Variants in HDX observed in about 807,000 individuals in gnomAD.
HDX encodes highly divergent homeobox.
Under a neutral mutation model 45.2 loss-of-function variants are expected in HDX, and 19 were observed. The ratio of observed to expected loss-of-function variants is 0.42; its 90% CI spans 0.29 to 0.62. The LOEUF (loss-of-function observed/expected upper bound fraction) is 0.62. Among genes scored for constraint, HDX ranks in the 20% least tolerant of loss-of-function variants. The pLI is 0.20. For missense variants in HDX, 532 were observed against 493.9 expected (o/e 1.08, Z -0.73); for synonymous variants, 188 against 172.8 (o/e 1.09, Z -0.69).
At chrX:84,485,207 T>A (rs1381475653) in intron 2 of HDX, among the ~76,000 whole-genome samples, 1 of 111,714 alleles carries the variant, frequency 9.0e-6, no homozygotes, top group Non-Finnish European at 1.9e-5. Context: ...TTGAAAGGAA[T>A]GTATAGTCTG....
chrX:84,343,541 G>T (rs1025405275), intron 7 of HDX, among the ~76,000 whole-genome samples: 2 of 111,099 alleles, frequency 1.8e-5, no homozygotes, highest in Admixed American at 9.6e-5. Flanking sequence ...TTTCACAACA[G>T]TCTCCCAAAG....
intron 5 of HDX, among the ~76,000 whole-genome samples, chrX:84,423,591 A>T (rs996517572): frequency 9.0e-6 from 1 of 111,008 alleles, no homozygotes; most frequent in Non-Finnish European, 1.9e-5. Context: ...TAAATTCAAT[A>T]ATACAGTAGA....
Position 84,322,013 on chromosome X carries a change from G to T in HDX, c.1949C>A (p.Ala650Glu). 8.7e-7 allele frequency: 1 copy of T among 1,145,496 alleles called. No individual in the cohort carries two copies. 94.4% of individuals were successfully genotyped at this position (1,145,496 alleles called of 1,213,427 possible). ...MKADDKEQQQ[A>E]LLSDLPPELE... ...TTCAGGAGGTAAATCTGACAGCAGT[G>T]CCTGAATAAAAAAAATAATATTTTT... is the stretch of plus-strand genomic sequence containing the variant. The change falls in exon 11 of 11, where the codon GCA becomes GAA. Residue 650 changes from alanine to glutamate, a missense_variant and splice_region_variant. By Grantham distance (107) the Ala-to-Glu change is moderately radical (BLOSUM62 -1). Around this residue, in one of 3 missense-constraint regions of HDX, gnomAD observed 151 missense variants for 131.8 expected, o/e 1.15. Transcript: ENST00000373177.
chrX:84,469,782 T>A (rs2040422633), intron 3 of HDX, among the ~76,000 whole-genome samples: 2 of 111,625 alleles, frequency 1.8e-5, no homozygotes, highest in South Asian at 7.4e-4. Context: ...ACCTTCAAAC[T>A]TTGAAAACAG....
chrX:84,460,216 A>G (rs955711488), intron 4 of HDX, among the ~76,000 whole-genome samples: 3 of 111,859 alleles, frequency 2.7e-5, no homozygotes, highest in Non-Finnish European at 5.6e-5. Flanking sequence ...CCAAAACCAG[A>G]CAAAGATGTC....
At chrX:84,461,220 C>T (rs1196525768) in intron 4 of HDX, among the ~76,000 whole-genome samples, 1 of 111,462 alleles carries the variant, frequency 9.0e-6, no homozygotes, top group Admixed American at 9.5e-5. Flanking sequence ...CCAAAGCTAT[C>T]CAGAGCAAAA....
At chrX:84,348,436 C>T (rs923795920) in intron 6 of HDX, among the ~76,000 whole-genome samples, 3 of 111,942 alleles carry the variant, frequency 2.7e-5, no homozygotes, top group East Asian at 2.8e-4. Context: ...CCTCGTCTGA[C>T]GATTCTAACA....
At chrX:84,447,402 G>A (rs770206784) in intron 4 of HDX, among the ~76,000 whole-genome samples, 2 of 111,672 alleles carry the variant, frequency 1.8e-5, no homozygotes, top group African/African-American at 3.3e-5. Context: ...TAAGAGCCTA[G>A]AGAGGTTCCC....
At chrX:84,350,068 C>T (rs1487456796) in intron 6 of HDX, among the ~76,000 whole-genome samples, 1 of 110,644 alleles carries the variant, frequency 9.0e-6, no homozygotes. Context: ...CCTATAAAAA[C>T]TGAAAAAAGA....
chrX:84,405,646 CTA>C (rs368481208), intron 5 of HDX, among the ~76,000 whole-genome samples: 859 of 78,404 alleles, frequency 0.011, 6 homozygotes, highest in Non-Finnish European at 0.015. Flanking sequence ...GCCTCACAAG[CTA>C]TATATATATA....
chrX:84,356,036 A>G (rs2147833699), intron 6 of HDX, among the ~76,000 whole-genome samples: 1 of 110,962 alleles, frequency 9.0e-6, no homozygotes, highest in African/African-American at 3.3e-5. Context: ...ACAAGGTCAA[A>G]GAAAAAGTAT....
chrX:84,465,318 T>C (rs1041329218), intron 4 of HDX, among the ~76,000 whole-genome samples: 1 of 112,119 alleles, frequency 8.9e-6, no homozygotes, highest in African/African-American at 3.2e-5. Context: ...ATCCCATTAC[T>C]GGTATATACC....
At chrX:84,465,401 C>T (rs1273509198) in intron 4 of HDX, among the ~76,000 whole-genome samples, 1 of 112,184 alleles carries the variant, frequency 8.9e-6, no homozygotes, top group Non-Finnish European at 1.9e-5. Flanking sequence ...TTGACAATAA[C>T]AAAGGCTTGG....
chrX:84,455,073 T>C (rs917671662), intron 4 of HDX, among the ~76,000 whole-genome samples: 1 of 111,149 alleles, frequency 9.0e-6, no homozygotes, highest in Non-Finnish European at 1.9e-5. Flanking sequence ...CCAAGTTCCT[T>C]TGAATACTTG....
At chrX:84,345,461 C>A (rs112501703) in intron 6 of HDX, among the ~76,000 whole-genome samples, 2 of 111,155 alleles carry the variant, frequency 1.8e-5, no homozygotes, top group Non-Finnish European at 3.8e-5. Context: ...TTGTGTGTAT[C>A]GAGCCCATTC....
At chrX:84,478,710 T>A (rs1380048803) in intron 2 of HDX, among the ~76,000 whole-genome samples, 1 of 102,258 alleles carries the variant, frequency 9.8e-6, no homozygotes, top group Non-Finnish European at 1.9e-5. Context: ...TTAATTTTAA[T>A]TAGTGGGGCA....
intron 4 of HDX, among the ~76,000 whole-genome samples, chrX:84,441,390 C>T (rs1230625839): frequency 2.7e-5 from 3 of 111,656 alleles, no homozygotes; most frequent in Admixed American, 9.5e-5. Context: ...TTTCTTAATA[C>T]AAATCTTAGA....
chrX:84,382,650 T>C (rs190849836), intron 5 of HDX, among the ~76,000 whole-genome samples: 93 of 110,647 alleles, frequency 8.4e-4, no homozygotes, highest in African/African-American at 2.8e-3. Context: ...ACCAAAACAA[T>C]TGAACTCATG....
chrX:84,324,906 T>C (rs1274328122), intron 10 of HDX, among the ~76,000 whole-genome samples: 1 of 111,111 alleles, frequency 9.0e-6, no homozygotes, highest in Non-Finnish European at 1.9e-5. Context: ...TGTTCAAAAC[T>C]ACCTCCCCTA....
Sources: allele counts gnomAD v4.1 joint callset (sites outside exome capture counted in the v4.1 genomes callset), GRCh38; gene constraint gnomAD v4.1.1; regional missense constraint gnomAD v4.1.1; transcripts MANE v1.5; gene names NCBI Gene and HGNC (gene_info 2026-07-23, HGNC 2026-07-21).